The following ENPP1 variants were observed in gnomAD, a reference collection of about 807,000 sequenced individuals.
ENPP1 encodes the protein ectonucleotide pyrophosphatase/phosphodiesterase family member 1.
In ENPP1, 73 loss-of-function variants were observed where a neutral mutation model predicts 122.8. The observed-to-expected ratio is 0.59, with a 90% CI of 0.49 to 0.72. The LOEUF (loss-of-function observed/expected upper bound fraction) is 0.72, where lower values mean the gene tolerates loss of function less well. Among genes scored for constraint, ENPP1 ranks in the 30% least tolerant of loss-of-function variants. ENPP1 has a pLI of 0.00. For missense variants in ENPP1, 978 were observed against 1,128.1 expected (o/e 0.87, Z 1.91); for synonymous variants, 367 against 391.6 (o/e 0.94, Z 0.74).
At chr6:131,881,511 TTGC>T (rs1286972774) in intron 20 of ENPP1, among the ~76,000 whole-genome samples, 1 of 152,172 alleles carries the variant, frequency 6.6e-6, no homozygotes, top group African/African-American at 2.4e-5. Context: ...CTGTCCTCCT[TTGC>T]TCCAGCAACT....
At chr6:131,865,428 G>A (rs192645004) in intron 11 of ENPP1, among the ~76,000 whole-genome samples, 14 of 152,256 alleles carry the variant, frequency 9.2e-5, no homozygotes, top group African/African-American at 2.6e-4. Context: ...ATTTGAATAC[G>A]TGATTTTGTT....
rs767334826 is a variant in ENPP1 at position 131,877,077 on chromosome 6, G to C, written c.1809G>C (p.Lys603Asn). 1.9e-6 allele frequency: 3 copies of C among 1,613,964 alleles called. No individual in the cohort carries two copies. In the South Asian group the frequency reaches 3.3e-5, roughly 18 times the overall value. ...TAAAGAATCCTGTTTATACGCCAAA[G>C]CATCCCAAAGAAGTGCACCCCCTGG... ...HLLKNPVYTPKHPKEVHPLVQ... is the reference protein window; with the variant it reads ...HLLKNPVYTPNHPKEVHPLVQ... Residue 603 changes from lysine to asparagine, a missense_variant, in exon 18 of 25, where the codon AAG becomes AAC. Around this residue, in one of 3 missense-constraint regions of ENPP1, gnomAD observed 644 missense variants for 781.5 expected, o/e 0.82. Transcript: ENST00000647893.
Position 131,882,418 on chromosome 6 carries a change from A to C in ENPP1, c.2174A>C (p.Lys725Thr). 1 of 1,609,560 alleles carries C rather than the reference A, an allele frequency of 6.2e-7. No homozygotes were observed. Among genetic ancestry groups the C allele is most frequent in the Non-Finnish European group, 8.5e-7 (1 of 1,176,932 alleles). ...AGAATTCCTCTTAGTCCTGTCCATA[A>C]ATGTTCATTTTATAAAAATAACACC... Reference protein sequence around the residue: ...DFRIPLSPVHKCSFYKNNTKV... With the variant: ...DFRIPLSPVHTCSFYKNNTKV... The change falls in exon 21 of 25, where the codon AAA becomes ACA. Residue 725 changes from lysine to threonine, a missense_variant. Physicochemically the swap from Lys to Thr is moderately conservative, Grantham distance 78. This residue lies in a region of ENPP1 where 644 missense variants were observed against 781.5 expected (regional missense o/e 0.82). Coordinates refer to ENST00000647893, the MANE Select transcript of ENPP1 (RefSeq NM_006208.3).
At chr6:131,866,030 G>A (rs1782086356) in intron 11 of ENPP1, among the ~76,000 whole-genome samples, 1 of 151,524 alleles carries the variant, frequency 6.6e-6, no homozygotes, top group African/African-American at 2.4e-5. Context: ...AATGATTTGA[G>A]CATATTTCCT....
In ENPP1 at chr6:131,847,856, GGTGTGTGTGTGTGTGTGT is replaced by G; in HGVS notation, c.313+29_313+46del. 9.3e-6 allele frequency: 11 copies of G among 1,181,196 alleles called. No individual in the cohort carries two copies. The highest frequency in any genetic ancestry group is 1.3e-5 in the South Asian group (1 of 74,940). 73.2% of individuals were successfully genotyped at this position (1,181,196 alleles called of 1,614,324 possible). The stretch of plus-strand genomic sequence containing the variant: ...CAAGCTGTGCCAAAGAAGGTAATTA[GGTGTGTGTGTGTGTGTGT>G]GTGTGTGTGTGTGTGTGTGTATGTG... On this transcript the variant is annotated intron_variant, in intron 2 of 24. Coordinates refer to ENST00000647893, the MANE Select transcript of ENPP1 (RefSeq NM_006208.3).
At chr6:131,817,285 C>G (rs1781426653) in intron 1 of ENPP1, among the ~76,000 whole-genome samples, 1 of 152,140 alleles carries the variant, frequency 6.6e-6, no homozygotes, top group Admixed American at 6.5e-5. Flanking sequence ...GTTTCCAACT[C>G]TCCTTTGCCT....
At chr6:131,847,143 T>C (rs1002850118) in intron 1 of ENPP1, among the ~76,000 whole-genome samples, 1 of 152,188 alleles carries the variant, frequency 6.6e-6, no homozygotes, top group Non-Finnish European at 1.5e-5. Context: ...CCACAGTACA[T>C]GTGAGGATGT....
chr6:131,868,896 CT>C (rs1562180099), intron 12 of ENPP1, among the ~76,000 whole-genome samples: 2 of 152,138 alleles, frequency 1.3e-5, no homozygotes, highest in Non-Finnish European at 2.9e-5. Context: ...AAAATAGGTT[CT>C]TTTTGTTTTT....
intron 1 of ENPP1, among the ~76,000 whole-genome samples, chr6:131,831,136 A>C (rs1436877126): frequency 6.7e-6 from 1 of 148,846 alleles, no homozygotes; most frequent in Non-Finnish European, 1.5e-5. Context: ...AAAAAAAAAA[A>C]AGAAAAGAAA....
chr6:131,852,004 G>A (rs1387108889), intron 4 of ENPP1, among the ~76,000 whole-genome samples, 171 bp from the exon 5 acceptor site: 2 of 152,066 alleles, frequency 1.3e-5, no homozygotes, highest in Non-Finnish European at 2.9e-5. Context: ...CTCTTATTTT[G>A]AAGCACAATA....
chr6:131,866,966 G>A (rs913741979), intron 11 of ENPP1, among the ~76,000 whole-genome samples: 13 of 152,150 alleles, frequency 8.5e-5, no homozygotes, highest in Non-Finnish European at 1.5e-4. Flanking sequence ...TGTTTATAAG[G>A]TTACATACAT....
At chr6:131,808,570 A>G (rs886343656) in intron 1 of ENPP1, among the ~76,000 whole-genome samples, 1 of 152,196 alleles carries the variant, frequency 6.6e-6, no homozygotes, top group African/African-American at 2.4e-5. Context: ...CTGCCCCAGG[A>G]GAGTACGGGT....
chr6:131,871,420 C>T (rs535179065), intron 13 of ENPP1, among the ~76,000 whole-genome samples: 2 of 152,058 alleles, frequency 1.3e-5, no homozygotes, highest in African/African-American at 4.8e-5. Flanking sequence ...TCCTCATACC[C>T]CTCTTATTTG....
intron 1 of ENPP1, among the ~76,000 whole-genome samples, chr6:131,821,679 T>C (rs1461069791): frequency 6.6e-6 from 1 of 152,242 alleles, no homozygotes; most frequent in African/African-American, 2.4e-5. Flanking sequence ...CTGTCTTTGC[T>C]GTTACCTGAT....
At chr6:131,812,303 A>G (rs990362725) in intron 1 of ENPP1, among the ~76,000 whole-genome samples, 1 of 152,222 alleles carries the variant, frequency 6.6e-6, no homozygotes, top group Non-Finnish European at 1.5e-5. Context: ...ATTTTAATCC[A>G]CTTCTTGTCC....
intron 1 of ENPP1, among the ~76,000 whole-genome samples, chr6:131,841,144 A>T (rs961143919): frequency 6.6e-6 from 1 of 152,226 alleles, no homozygotes; most frequent in African/African-American, 2.4e-5. Context: ...AAGAGATTCT[A>T]ACTTCTGCTT....
intron 19 of ENPP1, among the ~76,000 whole-genome samples, chr6:131,879,162 T>G (rs1008282411): frequency 6.6e-6 from 1 of 152,184 alleles, no homozygotes; most frequent in African/African-American, 2.4e-5. Flanking sequence ...AGTTCTGATG[T>G]AAGTTTGTCT....
chr6:131,874,966 G>A (rs1204451172), intron 16 of ENPP1, among the ~76,000 whole-genome samples: 1 of 152,000 alleles, frequency 6.6e-6, no homozygotes, highest in Non-Finnish European at 1.5e-5. Context: ...CAAACAAAAA[G>A]CTAAAAATCA....
Position 131,868,042 on chromosome 6 carries a change from G to A in ENPP1, c.1189G>A (p.Asp397Asn), listed in dbSNP as rs766481624. The A allele has an allele frequency of 1.4e-5, 22 of 1,613,266 alleles. No individual in the cohort carries two copies. The highest frequency in any genetic ancestry group is 1.9e-5 in the Non-Finnish European group (22 of 1,179,574). ...GGTCATCAAAGCCTTGCAGAGGGTT[G>A]ATGGTATGGTTGGTATGCTGATGGA... ...SEVIKALQRV[D>N]GMVGMLMDGL... Residue 397 changes from aspartate to asparagine, a missense_variant, in exon 12 of 25, where the codon GAT becomes AAT. Asp to Asn is a conservative substitution (Grantham distance 23, BLOSUM62 1). This residue lies in a region of ENPP1 where 644 missense variants were observed against 781.5 expected (regional missense o/e 0.82). Coordinates refer to ENST00000647893, the MANE Select transcript of ENPP1 (RefSeq NM_006208.3).
Sources: gnomAD v4.1 joint callset for allele counts (sites outside exome capture counted in the v4.1 genomes callset) on GRCh38, gnomAD v4.1.1 for gene constraint, gnomAD v4.1.1 regional missense constraint, MANE v1.5 for transcripts, NCBI Gene and HGNC (gene_info 2026-07-23, HGNC 2026-07-21) for gene names.